The following TCF7L2 variants were observed in gnomAD, a reference collection of about 807,000 sequenced individuals.
TCF7L2 encodes the protein transcription factor 7 like 2, also known as transcription factor 7-like 2.
A neutral mutation model predicts 77.9 loss-of-function variants in TCF7L2; 23 were observed. The observed-to-expected ratio is 0.30, with a 90% CI of 0.21 to 0.42. The LOEUF (loss-of-function observed/expected upper bound fraction) is 0.42. Among genes scored for constraint, TCF7L2 ranks in the 10% least tolerant of loss-of-function variants. TCF7L2 has a pLI of 1.00. For missense variants in TCF7L2, 654 were observed against 793.1 expected, an observed-to-expected ratio of 0.82 and a Z score of 2.11; for synonymous variants, 413 against 340.2, an observed-to-expected ratio of 1.21 and a Z score of -2.36.
chr10:113,076,688 G>A (rs1377204881), intron 5 of TCF7L2, among the ~76,000 whole-genome samples: 8 of 152,288 alleles, frequency 5.3e-5, no homozygotes, highest in Admixed American at 3.3e-4. Context: ...AAGTGTTTGC[G>A]GTTCCCACTT....
intron 4 of TCF7L2, among the ~76,000 whole-genome samples, chr10:113,029,467 G>C (rs2134029264): frequency 6.7e-6 from 1 of 149,594 alleles, no homozygotes; most frequent in South Asian, 2.1e-4. Flanking sequence ...CAGGTTTTCT[G>C]TTCATTCTTC....
chr10:113,003,194 C>G (rs972245163), intron 4 of TCF7L2, among the ~76,000 whole-genome samples: 2 of 152,206 alleles, frequency 1.3e-5, no homozygotes, highest in Non-Finnish European at 2.9e-5. Flanking sequence ...CAATAAGGGC[C>G]TGTCTCTTTC....
At chr10:113,075,446 C>T (rs186725795) in intron 5 of TCF7L2, among the ~76,000 whole-genome samples, 11 of 143,012 alleles carry the variant, frequency 7.7e-5, no homozygotes, top group Admixed American at 5.8e-4. Flanking sequence ...GCGACAAGAG[C>T]GAAACTCTGT....
chr10:113,037,608 T>C (rs56385800), intron 4 of TCF7L2, among the ~76,000 whole-genome samples: 21,738 of 152,220 alleles, frequency 0.14, 1,672 homozygotes, highest in Middle Eastern at 0.17. Context: ...AAAGTAAGAA[T>C]TATAAGTCTC....
chr10:113,084,910 CAAA>C (rs1166429283), intron 5 of TCF7L2, among the ~76,000 whole-genome samples: 2 of 136,898 alleles, frequency 1.5e-5, no homozygotes, highest in African/African-American at 5.3e-5. Flanking sequence ...CACCCCCCCC[CAAA>C]AAAAAAAAAC....
chr10:112,973,465 A>C (rs2038716980), intron 4 of TCF7L2, among the ~76,000 whole-genome samples: 1 of 152,176 alleles, frequency 6.6e-6, no homozygotes, highest in East Asian at 1.9e-4. Flanking sequence ...TGAGCAGGCC[A>C]GGTTGAGGCA....
At chr10:113,065,306 A>C (rs1421095934) in intron 5 of TCF7L2, among the ~76,000 whole-genome samples, 1 of 152,238 alleles carries the variant, frequency 6.6e-6, no homozygotes, top group South Asian at 2.1e-4. Context: ...CAGTTTGGAA[A>C]CATTTTAGGT....
In TCF7L2 at chr10:113,040,252, T is replaced by C. The variant is rs2052200031; in HGVS notation, c.552+126T>C. On this transcript the variant is annotated intron_variant, in intron 5 of 13. Transcript: ENST00000627217. ...TTTAAACACATTTTCTTTGGAAATA[T>C]TGTTGGGTATAGTTTATATCTATAA... is the stretch of plus-strand genomic sequence containing the variant. 5.0e-6 allele frequency: 4 copies of C among 794,052 alleles called. No individual in the cohort carries two copies. The South Asian group carries it at 5.7e-5, about 11-fold the overall frequency. The allele number at this position is 794,052 out of a possible 1,614,324, so 49.2% of individuals were successfully genotyped here.
chr10:113,142,453 G>A (rs950393383), intron 6 of TCF7L2, among the ~76,000 whole-genome samples: 2 of 152,232 alleles, frequency 1.3e-5, no homozygotes, highest in Non-Finnish European at 2.9e-5. Flanking sequence ...TAAGGTTAGT[G>A]TGTGTCTTTC....
At chr10:113,004,426 C>T (rs891989873) in intron 4 of TCF7L2, among the ~76,000 whole-genome samples, 5 of 152,120 alleles carry the variant, frequency 3.3e-5, no homozygotes, top group Non-Finnish European at 5.9e-5. Context: ...ATGTGCAGCA[C>T]GTGGACAGTG....
At position 113,152,362 on chromosome 10, in the gene TCF7L2, G is replaced by C. The variant is rs776801596; in HGVS notation, c.1191G>C (p.Ala397=). 6.2e-7 allele frequency: 1 copy of C among 1,614,086 alleles called. No individual in the cohort carries two copies. Among genetic ancestry groups the C allele is most frequent in the East Asian group, 2.2e-5 (1 of 44,902 alleles). Reference sequence around the variant, plus strand: ...ATGCACTGTCCAGAGAAGAGCAAGCGAAATACTACGAGCTGGCCCGGAAGG... The same window carrying C: ...ATGCACTGTCCAGAGAAGAGCAAGCCAAATACTACGAGCTGGCCCGGAAGG... Residue 397 remains alanine (A), a synonymous_variant, in exon 11 of 14, where the codon GCG becomes GCC. Coordinates refer to ENST00000627217, the MANE Select transcript of TCF7L2 (RefSeq NM_001146274.2).
At chr10:113,012,258 C>T (rs984782360) in intron 4 of TCF7L2, among the ~76,000 whole-genome samples, 1 of 152,154 alleles carries the variant, frequency 6.6e-6, no homozygotes, top group African/African-American at 2.4e-5. Context: ...AGTGTGGGAA[C>T]CTTTGAGAAG....
At chr10:112,970,286 C>T (rs1279604009) in intron 4 of TCF7L2, among the ~76,000 whole-genome samples, 1 of 151,826 alleles carries the variant, frequency 6.6e-6, no homozygotes, top group Admixed American at 6.6e-5. Context: ...GGATACTGTG[C>T]AGTGGGGGTT....
intron 5 of TCF7L2, among the ~76,000 whole-genome samples, chr10:113,118,081 G>T (rs1220079082): frequency 6.6e-6 from 1 of 151,776 alleles, no homozygotes; most frequent in Non-Finnish European, 1.5e-5. Flanking sequence ...CCATTTCCAG[G>T]ACTCGCTGGG....
At chr10:113,140,479 A>C (rs2068153410) in intron 5 of TCF7L2, among the ~76,000 whole-genome samples, 1 of 152,146 alleles carries the variant, frequency 6.6e-6, no homozygotes, top group Non-Finnish European at 1.5e-5. Flanking sequence ...CAGTTAATGT[A>C]TTAGCGTTCC....
chr10:113,109,377 T>A (rs1380920015), intron 5 of TCF7L2, among the ~76,000 whole-genome samples: 1 of 152,136 alleles, frequency 6.6e-6, no homozygotes, highest in African/African-American at 2.4e-5. Flanking sequence ...ATTTATTTTT[T>A]AATTTTTATT....
chr10:113,005,846 C>T (rs2045457491), intron 4 of TCF7L2, among the ~76,000 whole-genome samples: 2 of 152,098 alleles, frequency 1.3e-5, no homozygotes, highest in African/African-American at 4.8e-5. Context: ...TCTGGTAGTT[C>T]CCTCTGTCAG....
chr10:113,015,669 T>TG (rs991306782), intron 4 of TCF7L2, among the ~76,000 whole-genome samples: 19 of 152,112 alleles, frequency 1.2e-4, no homozygotes, highest in African/African-American at 3.6e-4. Flanking sequence ...TTTGTAGAGA[T>TG]GGGGGTCTCA....
intron 4 of TCF7L2, among the ~76,000 whole-genome samples, chr10:113,024,543 A>G (rs1485866019): frequency 6.6e-6 from 1 of 151,840 alleles, no homozygotes; most frequent in Non-Finnish European, 1.5e-5. Context: ...GAATATTCGC[A>G]TATACATAAT....
Sources: allele counts gnomAD v4.1 joint callset (sites outside exome capture counted in the v4.1 genomes callset), GRCh38; gene constraint gnomAD v4.1.1; transcripts MANE v1.5; gene names NCBI Gene and HGNC (gene_info 2026-07-23, HGNC 2026-07-21).